Variants in BRINP3 observed in about 807,000 individuals in gnomAD.
BRINP3 encodes BMP/retinoic acid inducible neural specific 3.
In BRINP3, 19 loss-of-function variants were observed where a neutral mutation model predicts 71.0. The ratio of observed to expected loss-of-function variants is 0.27; its 90% CI spans 0.19 to 0.39. BRINP3 has a LOEUF of 0.39. BRINP3 is among the 10% of genes least tolerant of loss of function. BRINP3 has a pLI of 1.00. For synonymous variants in BRINP3, 380 were observed against 337.7 expected (o/e 1.13, Z -1.37); for missense variants, 959 against 940.8 (o/e 1.02, Z -0.25).
intron 7 of BRINP3, among the ~76,000 whole-genome samples, chr1:190,102,530 G>GT (rs907836617): frequency 5.9e-5 from 9 of 152,000 alleles, no homozygotes; most frequent in African/African-American, 1.2e-4. Context: ...GTCTTCTGTT[G>GT]TTTTTTATCA....
At chr1:190,158,357 T>C (rs961085728) in intron 7 of BRINP3, among the ~76,000 whole-genome samples, 6 of 152,072 alleles carry the variant, frequency 3.9e-5, no homozygotes, top group Non-Finnish European at 7.4e-5. Flanking sequence ...TTCTTCCCAG[T>C]CTCAAATATG....
chr1:190,362,032 G>C (rs1490918525), intron 2 of BRINP3: 1 of 152,046 alleles, frequency 6.6e-6, no homozygotes, highest in Non-Finnish European at 1.5e-5. Context: ...AGATAACTTG[G>C]TCACTCTCTT....
At chr1:190,324,641 A>C (rs1460566228) in intron 2 of BRINP3, among the ~76,000 whole-genome samples, 1 of 151,968 alleles carries the variant, frequency 6.6e-6, no homozygotes, top group Non-Finnish European at 1.5e-5. Flanking sequence ...AAATGGTTTT[A>C]TTAATAATGA....
chr1:190,461,679 C>G (rs1389593070), intron 1 of BRINP3, among the ~76,000 whole-genome samples: 3 of 152,084 alleles, frequency 2.0e-5, no homozygotes, highest in Non-Finnish European at 2.9e-5. Flanking sequence ...GCAACTGCAA[C>G]TGGTGGTGTG....
At chr1:190,278,579 AATT>A (rs1204502981) in intron 3 of BRINP3, among the ~76,000 whole-genome samples, 5 of 151,678 alleles carry the variant, frequency 3.3e-5, no homozygotes, top group Non-Finnish European at 7.4e-5. Flanking sequence ...ATCTTAACTG[AATT>A]ATTAACTTTA....
intron 1 of BRINP3, among the ~76,000 whole-genome samples, chr1:190,463,966 T>C (rs1676566825): frequency 6.6e-6 from 1 of 151,928 alleles, no homozygotes. Context: ...TTTGCTATTC[T>C]ATTTCTATAC....
intron 2 of BRINP3, among the ~76,000 whole-genome samples, chr1:190,397,222 C>A (rs1671637919): frequency 6.6e-6 from 1 of 151,970 alleles, no homozygotes; most frequent in Admixed American, 6.6e-5. Context: ...TTTTGCATAC[C>A]ATTTGCAAGC....
chr1:190,210,357 CAA>C (rs962567579), intron 6 of BRINP3, among the ~76,000 whole-genome samples: 1 of 152,008 alleles, frequency 6.6e-6, no homozygotes, highest in Non-Finnish European at 1.5e-5. Context: ...AAAAAGTTAT[CAA>C]AGTCACTTTT....
At chr1:190,371,459 C>A (rs1308518441) in intron 2 of BRINP3, among the ~76,000 whole-genome samples, 2 of 152,102 alleles carry the variant, frequency 1.3e-5, no homozygotes, top group East Asian at 1.9e-4. Flanking sequence ...GTTCTTGGCA[C>A]CTTTGTGAAA....
chr1:190,304,234 A>T (rs1664935163), intron 2 of BRINP3, among the ~76,000 whole-genome samples: 1 of 151,878 alleles, frequency 6.6e-6, no homozygotes, highest in South Asian at 2.1e-4. Context: ...TAACATCTAT[A>T]ATAGAAGAAT....
intron 6 of BRINP3, among the ~76,000 whole-genome samples, chr1:190,189,799 T>C (rs968922018): frequency 2.0e-5 from 3 of 152,172 alleles, no homozygotes; most frequent in Admixed American, 6.6e-5. Context: ...TGATGTCATG[T>C]TTCCCTGGAT....
intron 3 of BRINP3, among the ~76,000 whole-genome samples, chr1:190,266,588 AT>A (rs1161587612): frequency 1.3e-5 from 2 of 152,206 alleles, no homozygotes; most frequent in Non-Finnish European, 2.9e-5. Context: ...AAAAGAATAC[AT>A]ACATAAATGC....
chr1:190,472,761 A>G (rs1184599657), intron 1 of BRINP3, among the ~76,000 whole-genome samples: 1 of 151,704 alleles, frequency 6.6e-6, no homozygotes, highest in Non-Finnish European at 1.5e-5. Flanking sequence ...AAATAAATAC[A>G]CTTTTATTTA....
In BRINP3 at chr1:190,299,318, TA is replaced by T. The variant is rs1398670150; in HGVS notation, c.237-17569del. ...CTCTATTTAAAGTAATGATTAACAT[TA>T]TAAAACTTAAGTACAATGCTTTCTT... On this transcript the variant is annotated intron_variant, in intron 2 of 7. Coordinates refer to ENST00000367462, the MANE Select transcript of BRINP3 (RefSeq NM_199051.3). Among the ~76,000 whole-genome samples, 3 of 152,032 alleles carry T rather than the reference TA, an allele frequency of 2.0e-5. No individual in the cohort carries two copies. In the East Asian group the frequency reaches 5.8e-4, roughly 29 times the overall value.
chr1:190,203,451 G>GTGTA (rs1553258901), intron 6 of BRINP3, among the ~76,000 whole-genome samples: 1 of 146,806 alleles, frequency 6.8e-6, no homozygotes, highest in East Asian at 2.0e-4. Context: ...ATGTGTGTGT[G>GTGTA]TATATATATA....
chr1:190,332,762 T>C (rs997870374), intron 2 of BRINP3, among the ~76,000 whole-genome samples: 3 of 152,008 alleles, frequency 2.0e-5, no homozygotes, highest in African/African-American at 7.2e-5. Context: ...AGGGCAGTTG[T>C]TAAGAACAAA....
chr1:190,098,910 C>T lies in BRINP3; in HGVS notation c.1409G>A (p.Ser470Asn). ...GACTTCAGGCTTGCAGAGCCCCTGG[C>T]TGAGCATGTAGCCGGTGTTGCAGGT... Reference protein sequence around the residue: ...CGTCNTGYMLSQGLCKPEVAE... With the variant: ...CGTCNTGYMLNQGLCKPEVAE... The change falls in exon 8 of 8, where the codon AGC (serine) becomes AAC (asparagine). Residue 470 changes from serine (S) to asparagine (N), a missense_variant. By Grantham distance (46) the Ser-to-Asn change is conservative. Coordinates refer to ENST00000367462, the MANE Select transcript of BRINP3 (RefSeq NM_199051.3). 1 of 1,614,178 alleles carries T rather than the reference C, an allele frequency of 6.2e-7. No individual in the cohort carries two copies. Among genetic ancestry groups the T allele is most frequent in the Non-Finnish European group, 8.5e-7 (1 of 1,180,022 alleles).
rs557961283 is a variant in BRINP3 at position 190,393,922 on chromosome 1, G to A, written c.236+60733C>T. Among the ~76,000 whole-genome samples the A allele has an allele frequency of 4.6e-5, 7 of 151,576 alleles. No individual in the cohort carries two copies. The South Asian group carries it at 1.2e-3, about 27-fold the overall frequency. On this transcript the variant is annotated intron_variant, in intron 2 of 7. Transcript: ENST00000367462. ...GCCAAGAAAGTAAGAAATATATAGA[G>A]GAAACATGGTTTAAGTATTTTATTT...
chr1:190,177,987 A>G (rs1461605469), intron 6 of BRINP3, among the ~76,000 whole-genome samples: 1 of 152,224 alleles, frequency 6.6e-6, no homozygotes, highest in Non-Finnish European at 1.5e-5. Context: ...AAGTATTATA[A>G]ATAATCTAGA....
Sources: gnomAD v4.1 joint callset for allele counts (sites outside exome capture counted in the v4.1 genomes callset) on GRCh38, gnomAD v4.1.1 for gene constraint, MANE v1.5 for transcripts, NCBI Gene and HGNC (gene_info 2026-07-23, HGNC 2026-07-21) for gene names.